The following CFAP90 variants were observed in gnomAD, a reference collection of about 807,000 sequenced individuals.
CFAP90 encodes cilia- and flagella-associated protein 90.
chr5:7,841,194 A>G, the CFAP90 span, among the ~76,000 whole-genome samples: 1 of 152,228 alleles, frequency 6.6e-6, no homozygotes, highest in Admixed American at 6.5e-5. Context: ...ACACTTCTCA[A>G]TAGACACACA....
chr5:7,840,046 T>C, the CFAP90 span, among the ~76,000 whole-genome samples: 1 of 152,144 alleles, frequency 6.6e-6, no homozygotes, highest in Non-Finnish European at 1.5e-5. Flanking sequence ...TTAGATGCTA[T>C]CACAAGACAG....
the CFAP90 span, among the ~76,000 whole-genome samples, chr5:7,836,545 C>T: frequency 3.7e-3 from 568 of 152,092 alleles, 1 homozygote; most frequent in African/African-American, 0.013. Context: ...CTTCTTCATA[C>T]GAGAAAGGAA....
the CFAP90 span, chr5:7,850,830 AGCCGCCCAG>A: frequency 2.3e-5 from 19 of 825,848 alleles, no homozygotes; most frequent in Non-Finnish European, 2.9e-5. Flanking sequence ...CCAGCCGCCC[AGCCGCCCAG>A]CCTTCCGGTC....
the CFAP90 span, among the ~76,000 whole-genome samples, chr5:7,834,958 C>A: frequency 6.6e-6 from 1 of 152,270 alleles, no homozygotes; most frequent in Admixed American, 6.5e-5. Context: ...ACCAAACACA[C>A]ACACACACAC....
the CFAP90 span, among the ~76,000 whole-genome samples, chr5:7,849,324 G>A: frequency 1.3e-5 from 2 of 152,164 alleles, no homozygotes; most frequent in Non-Finnish European, 2.9e-5. Context: ...GTCTAGGATG[G>A]TGGGGGCAGG....
the CFAP90 span, among the ~76,000 whole-genome samples, chr5:7,843,092 A>C: frequency 7.2e-5 from 11 of 152,240 alleles, no homozygotes; most frequent in Non-Finnish European, 1.0e-4. Context: ...GCTTTCCGTG[A>C]GTTTGCTTGT....
At chr5:7,847,870 C>T in the CFAP90 span, among the ~76,000 whole-genome samples, 6 of 152,224 alleles carry the variant, frequency 3.9e-5, no homozygotes, top group Non-Finnish European at 7.3e-5. Flanking sequence ...ACAGGAGATG[C>T]AGATTCTGCT....
At chr5:7,834,129 C>A in the CFAP90 span, among the ~76,000 whole-genome samples, 1 of 151,998 alleles carries the variant, frequency 6.6e-6, no homozygotes, top group Admixed American at 6.6e-5. Flanking sequence ...CCAGAGAAGA[C>A]ATTGTTAGCC....
the CFAP90 span, chr5:7,830,631 C>T: frequency 6.6e-6 from 1 of 152,144 alleles, no homozygotes; most frequent in Non-Finnish European, 1.5e-5. Flanking sequence ...AGGAGTCACT[C>T]AGCCTTGAAA....
the CFAP90 span, among the ~76,000 whole-genome samples, chr5:7,841,603 A>G: frequency 6.6e-6 from 1 of 152,232 alleles, no homozygotes; most frequent in Non-Finnish European, 1.5e-5. Context: ...AGACTGGATA[A>G]AGAAAATGTG....
the CFAP90 span, chr5:7,851,041 C>G: frequency 3.4e-5 from 42 of 1,239,056 alleles, no homozygotes; most frequent in Non-Finnish European, 4.1e-5. Flanking sequence ...GTCCAGCGCC[C>G]CCGCCTTGGC....
At chr5:7,835,274 T>C in the CFAP90 span, 1 of 646,256 alleles carries the variant, frequency 1.5e-6, no homozygotes, top group East Asian at 2.7e-5. Context: ...TTGTAAAAAA[T>C]ACAGTATCTA....
chr5:7,839,971 CT>C, the CFAP90 span, among the ~76,000 whole-genome samples: 958 of 151,644 alleles, frequency 6.3e-3, 11 homozygotes, highest in African/African-American at 0.022. Context: ...ATTAATCTTT[CT>C]TTTTTTTTCT....
chr5:7,848,137 G>A, the CFAP90 span, among the ~76,000 whole-genome samples: 2 of 152,102 alleles, frequency 1.3e-5, no homozygotes, highest in Non-Finnish European at 2.9e-5. Context: ...TAATAAATGA[G>A]ATTATGTATA....
At chr5:7,839,003 T>C in the CFAP90 span, among the ~76,000 whole-genome samples, 1 of 152,234 alleles carries the variant, frequency 6.6e-6, no homozygotes, top group Non-Finnish European at 1.5e-5. Flanking sequence ...AGAGGTTTAA[T>C]GGACTTATAG....
At chr5:7,835,358 G>A in the CFAP90 span, 1 of 1,311,820 alleles carries the variant, frequency 7.6e-7, no homozygotes, top group Non-Finnish European at 1.1e-6. Flanking sequence ...TTGACAACTT[G>A]TTAATATTCT....
the CFAP90 span, among the ~76,000 whole-genome samples, chr5:7,838,441 A>G: frequency 3.9e-5 from 6 of 152,230 alleles, no homozygotes; most frequent in African/African-American, 1.4e-4. Flanking sequence ...GAGGCTAAGC[A>G]AACATTTTTG....
At chr5:7,843,504 T>C in the CFAP90 span, among the ~76,000 whole-genome samples, 1 of 152,208 alleles carries the variant, frequency 6.6e-6, no homozygotes, top group African/African-American at 2.4e-5. Context: ...CCCTCTGATC[T>C]TGTGTCTGTG....
the CFAP90 span, among the ~76,000 whole-genome samples, chr5:7,833,854 T>C: frequency 1.3e-5 from 2 of 152,196 alleles, no homozygotes; most frequent in African/African-American, 4.8e-5. Context: ...AAGGATGTCA[T>C]AACTGTTGTC....
Sources: gnomAD v4.1 joint callset for allele counts (sites outside exome capture counted in the v4.1 genomes callset) on GRCh38, gnomAD v4.1.1 for gene constraint, MANE v1.5 for transcripts, NCBI Gene and HGNC (gene_info 2026-07-23, HGNC 2026-07-21) for gene names.